DISC1: variants seen among roughly 807,000 people sequenced by gnomAD.
The protein encoded by DISC1 is disrupted in schizophrenia 1 protein.
In DISC1, 57 loss-of-function variants were observed where a neutral mutation model predicts 84.5. The observed-to-expected ratio is 0.67, with a 90% CI of 0.55 to 0.84. The LOEUF (loss-of-function observed/expected upper bound fraction) is 0.84, where lower values mean the gene tolerates loss of function less well. DISC1 is among the 40% of genes least tolerant of loss of function. The pLI is 0.00. For missense variants in DISC1, 1,000 were observed against 1,057.8 expected (o/e 0.95, Z 0.76); for synonymous variants, 411 against 415.2 (o/e 0.99, Z 0.12).
chr1:231,777,463 T>G (rs1227865793), intron 6 of DISC1, among the ~76,000 whole-genome samples: 1 of 152,180 alleles, frequency 6.6e-6, no homozygotes, highest in East Asian at 1.9e-4. Flanking sequence ...TCAAGTGATC[T>G]TTCCACCTCA....
In DISC1 at chr1:231,848,219, TG is replaced by T. The variant is rs1274759569; in HGVS notation, c.1981+29704del. 5.3e-5 allele frequency among the ~76,000 whole-genome samples: 8 copies of T among 152,244 alleles called. No homozygotes were observed. In the East Asian group the frequency reaches 1.4e-3, roughly 26 times the overall value. ...TTCCCTGTCCCTTGCATAACAGGTT[TG>T]GTGTCTTGGATCAAGTTTGGGGCAG... is the stretch of plus-strand genomic sequence containing the variant. On this transcript the variant is annotated intron_variant, in intron 9 of 12. Coordinates refer to ENST00000439617, the MANE Select transcript of DISC1 (RefSeq NM_018662.3).
At chr1:231,917,928 TG>T (rs1301412226) in intron 9 of DISC1, among the ~76,000 whole-genome samples, 5 of 152,244 alleles carry the variant, frequency 3.3e-5, no homozygotes, top group African/African-American at 1.2e-4. Context: ...AAAGGCAACT[TG>T]ACTATCTTCA....
At chr1:231,903,488 G>A (rs2088362352) in intron 9 of DISC1, among the ~76,000 whole-genome samples, 2 of 152,238 alleles carry the variant, frequency 1.3e-5, no homozygotes, top group South Asian at 2.1e-4. Flanking sequence ...CCATGTGTGA[G>A]TGATTACAAG....
chr1:231,990,305 G>A (rs2102913414), intron 10 of DISC1, among the ~76,000 whole-genome samples: 1 of 151,946 alleles, frequency 6.6e-6, no homozygotes, highest in South Asian at 2.1e-4. Context: ...TAAAGGTCTT[G>A]GAAAGACACG....
chr1:231,648,177 T>C (rs1229838118), intron 1 of DISC1, among the ~76,000 whole-genome samples: 1 of 152,274 alleles, frequency 6.6e-6, no homozygotes, highest in Non-Finnish European at 1.5e-5. Flanking sequence ...GCTCATTCAG[T>C]GTGATATTGG....
At chr1:232,006,636 G>A (rs1158138878) in intron 10 of DISC1, among the ~76,000 whole-genome samples, 1 of 152,140 alleles carries the variant, frequency 6.6e-6, no homozygotes, top group Non-Finnish European at 1.5e-5. Flanking sequence ...TGGAACTTAT[G>A]TTTAAAAGGG....
In DISC1 at chr1:231,885,358, C is replaced by T. The variant is rs78665441; in HGVS notation, c.1981+66841C>T. Reference sequence around the variant, plus strand: ...ATGACAGGACCACAGAAGTTTTGAACGCTGAATCATAGTTTATAGTTTTAG... The same window carrying T: ...ATGACAGGACCACAGAAGTTTTGAATGCTGAATCATAGTTTATAGTTTTAG... On this transcript the variant is annotated intron_variant, in intron 9 of 12. Coordinates refer to ENST00000439617, the MANE Select transcript of DISC1 (RefSeq NM_018662.3). Among the ~76,000 whole-genome samples, 762 of 152,220 alleles carry T rather than the reference C, an allele frequency of 5.0e-3. 3 individuals carry two copies. Among genetic ancestry groups the T allele is most frequent in the African/African-American group, 0.017 (701 of 41,528 alleles).
chr1:231,961,293 G>A (rs1393027052), intron 10 of DISC1, among the ~76,000 whole-genome samples: 1 of 152,190 alleles, frequency 6.6e-6, no homozygotes, highest in East Asian at 1.9e-4. Context: ...TCTTCCTTCA[G>A]GTGTGGGACA....
intron 1 of DISC1, among the ~76,000 whole-genome samples, chr1:231,684,215 C>T (rs1421668697): frequency 1.3e-5 from 2 of 152,078 alleles, no homozygotes; most frequent in African/African-American, 2.4e-5. Flanking sequence ...AATCATAGCT[C>T]ATTGCAGCCC....
chr1:231,896,532 G>A (rs2087704820), intron 9 of DISC1, among the ~76,000 whole-genome samples: 1 of 152,052 alleles, frequency 6.6e-6, no homozygotes, highest in African/African-American at 2.4e-5. Flanking sequence ...TAAAAATTGT[G>A]GTGTTTCATC....
intron 9 of DISC1, among the ~76,000 whole-genome samples, chr1:231,902,854 A>G (rs2088299522): frequency 6.6e-6 from 1 of 152,160 alleles, no homozygotes; most frequent in South Asian, 2.1e-4. Context: ...CATGATGCTC[A>G]AATAAAGTGC....
intron 3 of DISC1, among the ~76,000 whole-genome samples, chr1:231,725,536 A>G (rs1450750636): frequency 6.6e-6 from 1 of 152,174 alleles, no homozygotes; most frequent in Non-Finnish European, 1.5e-5. Flanking sequence ...TGTAATTGAA[A>G]GTGGGAATAA....
intron 9 of DISC1, among the ~76,000 whole-genome samples, chr1:231,875,420 C>T (rs199734985): frequency 6.6e-6 from 1 of 152,168 alleles, no homozygotes; most frequent in African/African-American, 2.4e-5. Context: ...CCTGGGCGCT[C>T]TGGCAATGTC....
At position 231,626,823 on chromosome 1, in the gene DISC1, C is replaced by G; in HGVS notation, c.-45C>G. On this transcript the variant is annotated 5_prime_UTR_variant, in exon 1 of 13. Coordinates refer to ENST00000439617, the MANE Select transcript of DISC1 (RefSeq NM_018662.3). ...CCCGCCTCTGGCCTCGGGGAAGGAG[C>G]AGGAGGCAGCCCAGGCGGAGCGGGA... 1 of 1,391,466 alleles carries G rather than the reference C, an allele frequency of 7.2e-7. No homozygotes were observed. The highest frequency in any genetic ancestry group is 1.5e-5 in the African/African-American group (1 of 65,446). The allele number at this position is 1,391,466 out of a possible 1,614,324, so 86.2% of individuals were successfully genotyped here. A position where few individuals can be genotyped will look rare whatever the true frequency, so the allele number is the denominator to read the frequency against.
rs1419009808 is a variant in DISC1 at position 232,036,774 on chromosome 1, A to T, written c.2508A>T (p.Gly836=). The T allele has an allele frequency of 2.5e-6, 4 of 1,605,394 alleles. No homozygotes were observed. The East Asian group carries it at 6.7e-5, about 27-fold the overall frequency. ...AGCTCCAGCCAGCAAAGGAGGCGGG[A>T]GAAAGAGAAGCTGCAGCTTCCTGCA... The part of the protein sequence containing the change: ...ILQLQPAKEA[G]EREAAASCMT... The change falls in exon 13 of 13, where the codon GGA becomes GGT. Residue 836 remains glycine (G), a synonymous_variant. Transcript: ENST00000439617.
chr1:231,696,088 A>G (rs745613301), intron 2 of DISC1, among the ~76,000 whole-genome samples: 16 of 152,124 alleles, frequency 1.1e-4, no homozygotes, highest in African/African-American at 3.1e-4. Context: ...CATAGAATCT[A>G]TCCAGTTTCT....
chr1:232,036,301 A>C lies in DISC1; in HGVS notation c.2426-391A>C, dbSNP rs147320681. 1.9e-4 allele frequency among the ~76,000 whole-genome samples: 29 copies of C among 152,282 alleles called. 1 individual carries two copies. The highest frequency in any genetic ancestry group is 5.1e-4 in the African/African-American group (21 of 41,570). On this transcript the variant is annotated intron_variant, in intron 12 of 12. Transcript: ENST00000439617. Reference sequence around the variant, plus strand: ...TCTCAAGGAGATTTTGATTTCAAGCATTCTACCCTTTCCACTGTCAAGAGT... The same window carrying C: ...TCTCAAGGAGATTTTGATTTCAAGCCTTCTACCCTTTCCACTGTCAAGAGT...
At chr1:231,641,393 C>T (rs890249297) in intron 1 of DISC1, among the ~76,000 whole-genome samples, 2 of 151,828 alleles carry the variant, frequency 1.3e-5, no homozygotes, top group Non-Finnish European at 2.9e-5. Flanking sequence ...GCTCTTAAGG[C>T]GGCGCGTCTG....
At chr1:231,705,174 G>T (rs1316150553) in intron 3 of DISC1, among the ~76,000 whole-genome samples, 1 of 150,788 alleles carries the variant, frequency 6.6e-6, no homozygotes, top group Non-Finnish European at 1.5e-5. Context: ...TGTAATCCCA[G>T]CTACTCGGGA....
Sources: allele counts gnomAD v4.1 joint callset (sites outside exome capture counted in the v4.1 genomes callset), GRCh38; gene constraint gnomAD v4.1.1; transcripts MANE v1.5; gene names NCBI Gene and HGNC (gene_info 2026-07-23, HGNC 2026-07-21).